Variants in AMOT observed in about 807,000 individuals in gnomAD.
AMOT encodes the protein angiomotin.
AMOT carries 11 observed loss-of-function variants against 67.0 expected under a neutral mutation model. That is an observed-to-expected ratio of 0.16 (90% CI 0.10 to 0.27). The LOEUF (loss-of-function observed/expected upper bound fraction) is 0.27, where lower values mean the gene tolerates loss of function less well. Ranked by LOEUF, AMOT falls within the 10% of genes least tolerant of loss-of-function variation. The pLI is 1.00. For missense variants in AMOT, 753 were observed against 852.0 expected, an observed-to-expected ratio of 0.88 and a Z score of 1.45; for synonymous variants, 326 against 321.4, an observed-to-expected ratio of 1.01 and a Z score of -0.15.
At chrX:112,838,202 A>T (rs1935178269) in intron 1 of AMOT, among the ~76,000 whole-genome samples, 1 of 111,477 alleles carries the variant, frequency 9.0e-6, no homozygotes, top group African/African-American at 3.3e-5. Flanking sequence ...ACTTCTAACC[A>T]TCCTGAGAAC....
At chrX:112,816,605 C>T (rs1052641569) in intron 4 of AMOT, among the ~76,000 whole-genome samples, 37 of 111,603 alleles carry the variant, frequency 3.3e-4, no homozygotes, top group African/African-American at 1.1e-3. Flanking sequence ...CTGGAAAGGC[C>T]TTAAAAGAAA....
intron 1 of AMOT, among the ~76,000 whole-genome samples, chrX:112,833,880 C>T (rs1207055336): frequency 8.9e-6 from 1 of 112,355 alleles, no homozygotes; most frequent in Non-Finnish European, 1.9e-5. Flanking sequence ...TTTGCTATCA[C>T]ATGGAACAAA....
intron 1 of AMOT, among the ~76,000 whole-genome samples, chrX:112,833,106 T>C: frequency 9.0e-6 from 1 of 111,662 alleles, no homozygotes; most frequent in East Asian, 2.8e-4. Context: ...ACTGCAGGCA[T>C]ACACCTACAC....
Position 112,822,741 on chromosome X carries a change from G to A in AMOT, c.386C>T (p.Ala129Val). 8.6e-7 allele frequency: 1 copy of A among 1,167,006 alleles called. No individual in the cohort carries two copies. Among genetic ancestry groups the A allele is most frequent in the East Asian group, 3.3e-5 (1 of 30,736 alleles). The change falls in exon 4 of 14, where the codon GCT becomes GTT. Residue 129 changes from alanine to valine, a missense_variant. Coordinates refer to ENST00000371959, the MANE Select transcript of AMOT (RefSeq NM_001113490.2). ...FRGQQHASVGAAFYVTGVTNQ... is the reference protein window; with the variant it reads ...FRGQQHASVGVAFYVTGVTNQ... Reference sequence around the variant, plus strand: ...GGTGACTCCAGTGACATAGAAGGCAGCTCCAACACTGGCATGCTGTTGGCC... The same window carrying A: ...GGTGACTCCAGTGACATAGAAGGCAACTCCAACACTGGCATGCTGTTGGCC...
chrX:112,779,116 G>T lies in AMOT; in HGVS notation c.3038C>A (p.Thr1013Asn). Reference sequence around the variant, plus strand: ...AGCTGGAGTTGGAGTTGGAGCTGGAGTTGGAGCCACAGCCGGAGCTGAAGT... The same window carrying T: ...AGCTGGAGTTGGAGTTGGAGCTGGATTTGGAGCCACAGCCGGAGCTGAAGT... ...APTSAPAVAP[T>N]PAPTPTPAVA... Residue 1013 changes from threonine to asparagine, a missense_variant, in exon 13 of 14, where the codon ACT becomes AAT. Thr to Asn is a moderately conservative substitution (Grantham distance 65, BLOSUM62 0). This residue lies in a region of AMOT where 269 missense variants were observed against 300.9 expected (regional missense o/e 0.89). Coordinates refer to ENST00000371959, the MANE Select transcript of AMOT (RefSeq NM_001113490.2). 8.8e-7 allele frequency: 1 copy of T among 1,139,367 alleles called. No individual in the cohort carries two copies. Among genetic ancestry groups the T allele is most frequent in the Non-Finnish European group, 1.2e-6 (1 of 829,225 alleles). 93.9% of individuals were successfully genotyped at this position (1,139,367 alleles called of 1,213,427 possible). A position where few individuals can be genotyped will look rare whatever the true frequency, so the allele number is the denominator to read the frequency against.
In AMOT at chrX:112,778,457, AC is replaced by A. The variant is rs1301092747; in HGVS notation, c.*109del. 1.2e-5 allele frequency: 8 copies of A among 675,413 alleles called. No homozygotes were observed. The highest frequency in any genetic ancestry group is 3.2e-4 in the Middle Eastern group (1 of 3,164). 55.7% of individuals were successfully genotyped at this position (675,413 alleles called of 1,213,427 possible). ...TTCCAATAAAAAGTCCTGTTAAAAA[AC>A]ATCCCCTCCCCACAACCCTTGTCCT... is the stretch of plus-strand genomic sequence containing the variant. On this transcript the variant is annotated 3_prime_UTR_variant, in exon 14 of 14. Coordinates refer to ENST00000371959, the MANE Select transcript of AMOT (RefSeq NM_001113490.2).
intron 4 of AMOT, chrX:112,819,420 A>G (rs1934656236): frequency 1.3e-6 from 1 of 753,850 alleles, no homozygotes; most frequent in Non-Finnish European, 1.6e-6. Flanking sequence ...CTCTTGCACA[A>G]CCAGCTCTGC....
intron 10 of AMOT, among the ~76,000 whole-genome samples, chrX:112,788,298 A>AG (rs1327389257): frequency 1.8e-5 from 2 of 110,507 alleles, no homozygotes; most frequent in Non-Finnish European, 1.9e-5. Flanking sequence ...CAAAAAAAAA[A>AG]AAAAATTATT....
At chrX:112,831,067 T>G (rs1022818137) in intron 2 of AMOT, among the ~76,000 whole-genome samples, 3 of 110,375 alleles carry the variant, frequency 2.7e-5, no homozygotes, top group Admixed American at 9.8e-5. Flanking sequence ...TGTTTAATAC[T>G]AGATGACTAA....
intron 6 of AMOT, among the ~76,000 whole-genome samples, chrX:112,810,410 A>G (rs1162829493): frequency 8.9e-6 from 1 of 112,227 alleles, no homozygotes; most frequent in African/African-American, 3.2e-5. Flanking sequence ...CCAAAATTCA[A>G]AGATAGTAAC....
chrX:112,805,412 CACACAG>C (rs754441381), intron 7 of AMOT, among the ~76,000 whole-genome samples: 1 of 99,420 alleles, frequency 1.0e-5, no homozygotes, highest in African/African-American at 4.1e-5. Flanking sequence ...CACACACACA[CACACAG>C]AGCCCTCAGA....
intron 5 of AMOT, among the ~76,000 whole-genome samples, chrX:112,813,495 G>A (rs772217999): frequency 5.4e-5 from 6 of 111,025 alleles, no homozygotes; most frequent in South Asian, 3.9e-4. Context: ...ACTCTACCTC[G>A]ACACTGGGTC....
At chrX:112,795,076 G>A (rs1015319460) in intron 8 of AMOT, among the ~76,000 whole-genome samples, 2 of 111,827 alleles carry the variant, frequency 1.8e-5, no homozygotes, top group Non-Finnish European at 3.8e-5. Flanking sequence ...TAGCTGCAAG[G>A]ATACTGCATT....
intron 10 of AMOT, among the ~76,000 whole-genome samples, chrX:112,787,590 C>T (rs989112033): frequency 5.4e-5 from 6 of 111,752 alleles, no homozygotes; most frequent in African/African-American, 2.0e-4. Context: ...GTGGTGGTTA[C>T]ACTATTGTAT....
In AMOT at chrX:112,815,699, T is replaced by C. The variant is rs1934530087; in HGVS notation, c.1051A>G (p.Arg351Gly). The C allele has an allele frequency of 8.6e-7, 1 of 1,166,712 alleles. No individual in the cohort carries two copies. Reference protein sequence around the residue: ...NQGDHSAHLPRPQQHFLPNQA... With the variant: ...NQGDHSAHLPGPQQHFLPNQA... Reference sequence around the variant, plus strand: ...TTAGGAAGGAAATGCTGCTGCGGCCTAGGCAGGTGAGCTGAATGGTCTCCC... The same window carrying C: ...TTAGGAAGGAAATGCTGCTGCGGCCCAGGCAGGTGAGCTGAATGGTCTCCC... The change falls in exon 5 of 14, where the codon AGG (arginine) becomes GGG (glycine). Residue 351 changes from arginine to glycine, a missense_variant. Physicochemically the swap from Arg to Gly is moderately radical, Grantham distance 125 (BLOSUM62 -2). Transcript: ENST00000371959.
chrX:112,776,702 G>T lies in AMOT; in HGVS notation c.*1865C>A, dbSNP rs1475940628. The T allele has an allele frequency of 9.0e-6, 1 of 111,343 alleles. No homozygotes were observed. The highest frequency in any genetic ancestry group is 1.9e-5 in the Non-Finnish European group (1 of 53,001). The allele number at this position is 111,343 out of a possible 1,213,427, so 9.2% of individuals were successfully genotyped here. A position where few individuals can be genotyped will look rare whatever the true frequency, so the allele number is the denominator to read the frequency against. On this transcript the variant is annotated 3_prime_UTR_variant, in exon 14 of 14. Transcript: ENST00000371959. ...AAGAAGTGGGATTGGTTTCTCAGGG[G>T]GACATTTATGTGACTCTATGTTGAA...
chrX:112,805,368 AATAC>A (rs1386303996), intron 7 of AMOT, among the ~76,000 whole-genome samples: 1 of 57,958 alleles, frequency 1.7e-5, no homozygotes, highest in African/African-American at 5.9e-5. Flanking sequence ...TTATACAAAG[AATAC>A]ACACACACAC....
rs768370448 is a variant in AMOT, at chrX:112,819,508, C to G, written c.872+2747G>C. ...GAAACCTCAGATCTGGGCATGATTT[C>G]AACAATTGAAAGGAGGTGGCTGCTT... is the stretch of plus-strand genomic sequence containing the variant. On this transcript the variant is annotated intron_variant, in intron 4 of 13. Transcript: ENST00000371959. The G allele has an allele frequency of 3.4e-5, 17 of 501,084 alleles. 1 individual carries two copies. The South Asian group carries it at 1.6e-3, about 46-fold the overall frequency. The allele number at this position is 501,084 out of a possible 1,213,427, so 41.3% of individuals were successfully genotyped here. A position where few individuals can be genotyped will look rare whatever the true frequency, so the allele number is the denominator to read the frequency against.
intron 7 of AMOT, among the ~76,000 whole-genome samples, chrX:112,805,425 C>A (rs1209567737): frequency 2.8e-5 from 3 of 107,326 alleles, no homozygotes; most frequent in African/African-American, 1.0e-4. Context: ...ACAGAGCCCT[C>A]AGAAGAAAAG....
Sources: allele counts gnomAD v4.1 joint callset (sites outside exome capture counted in the v4.1 genomes callset), GRCh38; gene constraint gnomAD v4.1.1; regional missense constraint gnomAD v4.1.1; transcripts MANE v1.5; gene names NCBI Gene and HGNC (gene_info 2026-07-23, HGNC 2026-07-21).